COG5: variants seen among roughly 807,000 people sequenced by gnomAD.
COG5 encodes the protein component of oligomeric golgi complex 5.
In COG5, 86 loss-of-function variants were observed where a neutral mutation model predicts 110.4. The ratio of observed to expected loss-of-function variants is 0.78; its 90% CI spans 0.65 to 0.93. The LOEUF is 0.93. Among genes scored for constraint, COG5 ranks in the 40% least tolerant of loss-of-function variants. The pLI is 0.00. For missense variants in COG5, 1,077 were observed against 987.0 expected, an observed-to-expected ratio of 1.09 and a Z score of -1.22; for synonymous variants, 360 against 334.6, an observed-to-expected ratio of 1.08 and a Z score of -0.83.
intron 12 of COG5, among the ~76,000 whole-genome samples, chr7:107,295,487 T>C (rs1806665467): frequency 6.6e-6 from 1 of 152,116 alleles, no homozygotes; most frequent in South Asian, 2.1e-4. Context: ...TGGCTATTCA[T>C]GTTTTGATTC....
chr7:107,415,398 A>G (rs1227035673), intron 6 of COG5, among the ~76,000 whole-genome samples: 1 of 152,196 alleles, frequency 6.6e-6, no homozygotes, highest in East Asian at 1.9e-4. Context: ...GGAAGAAGGC[A>G]GAGCATTGCC....
intron 10 of COG5, among the ~76,000 whole-genome samples, chr7:107,360,929 C>A (rs1347418829): frequency 2.0e-5 from 3 of 152,224 alleles, no homozygotes; most frequent in Admixed American, 2.0e-4. Context: ...GAAGGCACCA[C>A]TGGTCACAGG....
intron 7 of COG5, among the ~76,000 whole-genome samples, chr7:107,405,525 A>C (rs1791770400): frequency 1.3e-5 from 2 of 152,360 alleles, no homozygotes; most frequent in South Asian, 4.1e-4. Flanking sequence ...TTTGTGAGAA[A>C]GCCAGGTCTG....
chr7:107,508,843 G>C (rs562573085), intron 6 of COG5, among the ~76,000 whole-genome samples: 64 of 152,290 alleles, frequency 4.2e-4, no homozygotes, highest in African/African-American at 1.5e-3. Context: ...GGTCCTGTCT[G>C]TTAAAAGGAA....
intron 11 of COG5, among the ~76,000 whole-genome samples, chr7:107,305,299 G>A (rs779860049): frequency 3.9e-5 from 6 of 152,108 alleles, no homozygotes; most frequent in Non-Finnish European, 5.9e-5. Flanking sequence ...ATTAAGTGCC[G>A]CCTTTGTGAG....
chr7:107,207,798 A>T (rs1447349676), intron 21 of COG5: 2 of 985,364 alleles, frequency 2.0e-6, no homozygotes, highest in East Asian at 1.1e-4. Context: ...ACTAGTATTC[A>T]TTTAAGCTCC....
intron 10 of COG5, among the ~76,000 whole-genome samples, chr7:107,338,814 G>A (rs1810928948): frequency 6.6e-6 from 1 of 152,058 alleles, no homozygotes; most frequent in Admixed American, 6.5e-5. Context: ...TTTCTCCAAA[G>A]ATGATATTAA....
intron 1 of COG5, among the ~76,000 whole-genome samples, chr7:107,559,984 A>G (rs773113508): frequency 3.3e-5 from 5 of 152,262 alleles, no homozygotes; most frequent in Non-Finnish European, 7.3e-5. Flanking sequence ...TATCTCATTT[A>G]ACCCAAGAAA....
intron 19 of COG5, among the ~76,000 whole-genome samples, chr7:107,227,721 G>A (rs1204463452): frequency 6.6e-6 from 1 of 151,718 alleles, no homozygotes; most frequent in Non-Finnish European, 1.5e-5. Flanking sequence ...GGTGTGGGTG[G>A]TGGGCGGTAA....
intron 6 of COG5, among the ~76,000 whole-genome samples, chr7:107,486,221 C>G (rs752837590): frequency 6.6e-6 from 1 of 152,036 alleles, no homozygotes; most frequent in Non-Finnish European, 1.5e-5. Flanking sequence ...TACATTTTCA[C>G]TTTCTATTTC....
intron 14 of COG5, among the ~76,000 whole-genome samples, chr7:107,263,038 T>A (rs886506827): frequency 1.3e-5 from 2 of 152,208 alleles, no homozygotes; most frequent in African/African-American, 4.8e-5. Flanking sequence ...ATCTCAGTAC[T>A]GGCTAGGGGC....
chr7:107,370,976 C>T (rs1814106981), intron 8 of COG5, among the ~76,000 whole-genome samples: 1 of 151,838 alleles, frequency 6.6e-6, no homozygotes, highest in African/African-American at 2.4e-5. Flanking sequence ...GGATTGACAG[C>T]ACATGAATAA....
chr7:107,335,860 A>G (rs966508001), intron 10 of COG5, among the ~76,000 whole-genome samples: 3 of 152,194 alleles, frequency 2.0e-5, no homozygotes, highest in Non-Finnish European at 4.4e-5. Flanking sequence ...GCCAAAGACT[A>G]TAAAAAGGAC....
chr7:107,239,908 C>T (rs902475886), intron 17 of COG5, among the ~76,000 whole-genome samples: 3 of 152,146 alleles, frequency 2.0e-5, no homozygotes, highest in African/African-American at 2.4e-5. Flanking sequence ...ATTAAACATA[C>T]GCATAACCAA....
intron 5 of COG5, among the ~76,000 whole-genome samples, chr7:107,531,936 T>C (rs1801241857): frequency 6.6e-6 from 1 of 152,226 alleles, no homozygotes; most frequent in Admixed American, 6.5e-5. Context: ...GAGCAGTCGT[T>C]GATAGCCTCC....
intron 8 of COG5, among the ~76,000 whole-genome samples, chr7:107,364,797 A>G (rs985019053): frequency 1.3e-5 from 2 of 152,202 alleles, no homozygotes; most frequent in African/African-American, 4.8e-5. Context: ...CTTTAATCTG[A>G]TAATAGTAGC....
intron 6 of COG5, among the ~76,000 whole-genome samples, chr7:107,444,087 T>A (rs1353649037): frequency 6.6e-6 from 1 of 152,174 alleles, no homozygotes; most frequent in African/African-American, 2.4e-5. Flanking sequence ...AGAGTAAATA[T>A]GTGTAGAAAA....
intron 7 of COG5, among the ~76,000 whole-genome samples, chr7:107,394,507 T>C (rs369898243): frequency 2.0e-5 from 3 of 152,178 alleles, no homozygotes; most frequent in Non-Finnish European, 2.9e-5. Flanking sequence ...ATACCCAAGC[T>C]TGCCAAAACA....
In COG5 at chr7:107,499,076, A is replaced by G. The variant is rs76861288; in HGVS notation, c.538+28161T>C. On this transcript the variant is annotated intron_variant, in intron 6 of 21. Coordinates refer to ENST00000297135, the MANE Select transcript of COG5 (RefSeq NM_006348.5). ...AGACAAATACTGCATGATTCCACTG[A>G]CATAAGGTATCTAAAATAGACAAAT... 5.5e-3 allele frequency among the ~76,000 whole-genome samples: 840 copies of G among 152,304 alleles called. 8 individuals are homozygous for G. The highest frequency in any genetic ancestry group is 0.019 in the African/African-American group (809 of 41,564).
Sources: allele counts gnomAD v4.1 joint callset (sites outside exome capture counted in the v4.1 genomes callset), GRCh38; gene constraint gnomAD v4.1.1; transcripts MANE v1.5; gene names NCBI Gene and HGNC (gene_info 2026-07-23, HGNC 2026-07-21).